Variants in LTBP2 observed in about 807,000 individuals in gnomAD.
LTBP2 encodes latent-transforming growth factor beta-binding protein 2.
In LTBP2, 103 loss-of-function variants were observed where a neutral mutation model predicts 210.6. That is an observed-to-expected ratio of 0.49 (90% CI 0.42 to 0.58). LTBP2 has a LOEUF of 0.58. Ranked by LOEUF, LTBP2 falls within the 20% of genes least tolerant of loss-of-function variation. The pLI is 0.00. For missense variants in LTBP2, 2,313 were observed against 2,494.5 expected (o/e 0.93, Z 1.55); for synonymous variants, 1,007 against 1,015.0 (o/e 0.99, Z 0.15).
Position 74,553,172 on chromosome 14 carries a change from C to T in LTBP2, c.1022-110G>A, listed in dbSNP as rs78458339. 8.4e-3 allele frequency: 9,124 copies of T among 1,090,518 alleles called. 63 individuals are homozygous for T. The highest frequency in any genetic ancestry group is 0.011 in the Middle Eastern group (54 of 5,126). 67.6% of individuals were successfully genotyped at this position (1,090,518 alleles called of 1,614,324 possible). ...ACTAGGGCTGCATTCATCTCAAGGG[C>T]ATTTGCTGAGTACCTACTGGACGCA... On this transcript the variant is annotated intron_variant, in intron 4 of 35. Coordinates refer to ENST00000261978, the MANE Select transcript of LTBP2 (RefSeq NM_000428.3).
Position 74,527,358 on chromosome 14 carries a change from G to T in LTBP2, c.2377C>A (p.Gln793Lys), listed in dbSNP as rs1373051187. Reference protein sequence around the residue: ...AGTIPDKGDSQAGQVTTSVTH... With the variant: ...AGTIPDKGDSKAGQVTTSVTH... ...GAGGACGCACTCACCTGGCCAGCCT[G>T]AGAGTCACCTGGAAGGGAAAGGTAA... is the stretch of plus-strand genomic sequence containing the variant. The change falls in exon 13 of 36, where the codon CAG (glutamine) becomes AAG (lysine). Residue 793 changes from glutamine to lysine, a missense_variant. Physicochemically the swap from Gln to Lys is moderately conservative, Grantham distance 53. Transcript: ENST00000261978. The T allele has an allele frequency of 6.2e-7, 1 of 1,611,514 alleles. No individual in the cohort carries two copies. The highest frequency in any genetic ancestry group is 8.5e-7 in the Non-Finnish European group (1 of 1,179,160).
At chr14:74,551,476 C>T (rs1011155519) in intron 6 of LTBP2, 126 bp from the exon 7 acceptor site, 1 of 928,032 alleles carries the variant, frequency 1.1e-6, no homozygotes, top group South Asian at 1.8e-5. Context: ...CAAAACTCTC[C>T]TTCCATTTCT....
rs541978964 is a variant in LTBP2 at position 74,500,141 on chromosome 14, C to T, written c.*743G>A. 277 of 233,932 alleles carry T rather than the reference C, an allele frequency of 1.2e-3. No homozygotes were observed. The highest frequency in any genetic ancestry group is 1.8e-3 in the Non-Finnish European group (214 of 118,632). The allele number at this position is 233,932 out of a possible 1,614,324, so 14.5% of individuals were successfully genotyped here. A position where few individuals can be genotyped will look rare whatever the true frequency, so the allele number is the denominator to read the frequency against. On this transcript the variant is annotated 3_prime_UTR_variant, in exon 36 of 36. Coordinates refer to ENST00000261978, the MANE Select transcript of LTBP2 (RefSeq NM_000428.3). Reference sequence around the variant, plus strand: ...TCAGCTACTGAATATTTTCTTTAGACGTATAAAGCCTTGGCTCCCCTTTCT... The same window carrying T: ...TCAGCTACTGAATATTTTCTTTAGATGTATAAAGCCTTGGCTCCCCTTTCT...
At chr14:74,514,260 A>G (rs1375859170) in intron 18 of LTBP2, among the ~76,000 whole-genome samples, 1 of 152,188 alleles carries the variant, frequency 6.6e-6, no homozygotes, top group African/African-American at 2.4e-5. Context: ...TCTGTCTTTG[A>G]AGCCAGGAGC....
At chr14:74,554,378 A>G (rs552424535) in intron 4 of LTBP2, among the ~76,000 whole-genome samples, 32 of 152,274 alleles carry the variant, frequency 2.1e-4, no homozygotes, top group African/African-American at 7.0e-4. Context: ...GCATGCCTGT[A>G]GTCCCAGCTA....
At chr14:74,536,524 C>T (rs2087424085) in intron 8 of LTBP2, among the ~76,000 whole-genome samples, 2 of 152,196 alleles carry the variant, frequency 1.3e-5, no homozygotes, top group Admixed American at 6.5e-5. Context: ...AATTTAGCCA[C>T]TTTACAATGT....
At position 74,502,866 on chromosome 14, in the gene LTBP2, G is replaced by A. The variant is rs767427329; in HGVS notation, c.4957C>T (p.Pro1653Ser). ...GGCCCGGGGCCATACTCATAGCCTG[G>A]CCGGAAGTGGACCCCGGCCTCCCGC... The part of the protein sequence containing the change: ...AEREAGVHFR[P>S]GYEYGPGPDD... The change falls in exon 34 of 36, where the codon CCA (proline) becomes TCA (serine). Residue 1653 changes from proline to serine, a missense_variant. By Grantham distance (74) the Pro-to-Ser change is moderately conservative. Around this residue, in one of 3 missense-constraint regions of LTBP2, gnomAD observed 443 missense variants for 501.4 expected, o/e 0.88. Transcript: ENST00000261978. 2 of 1,613,894 alleles carry A rather than the reference G, an allele frequency of 1.2e-6. No homozygotes were observed. The highest frequency in any genetic ancestry group is 2.2e-5 in the East Asian group (1 of 44,880).
Position 74,586,446 on chromosome 14 carries a change from C to G in LTBP2, c.566-328G>C, listed in dbSNP as rs559639836. Among the ~76,000 whole-genome samples the G allele has an allele frequency of 7.2e-5, 11 of 152,314 alleles. No homozygotes were observed. The South Asian group carries it at 2.3e-3, about 32-fold the overall frequency. ...GTCTATACTGAAATGTTCACTCCCA[C>G]CAGACTGGAAGCCCCCTGAGGACAG... On this transcript the variant is annotated intron_variant, in intron 2 of 35. Coordinates refer to ENST00000261978, the MANE Select transcript of LTBP2 (RefSeq NM_000428.3). This position sits in a 1 kb window ranked among gnomAD's most constrained non-coding sequence, Gnocchi z 4.6.
chr14:74,568,132 C>T (rs1207992651), intron 3 of LTBP2, among the ~76,000 whole-genome samples: 1 of 152,208 alleles, frequency 6.6e-6, no homozygotes, highest in Non-Finnish European at 1.5e-5. Flanking sequence ...TGCCCTACTT[C>T]CTTCAGGCTG....
chr14:74,540,814 A>AT (rs1566629882), intron 8 of LTBP2, among the ~76,000 whole-genome samples: 9 of 68,064 alleles, frequency 1.3e-4, no homozygotes, highest in South Asian at 3.7e-4. Context: ...TATATAATAT[A>AT]TATATATTTT....
rs374376492 is a variant in LTBP2 at position 74,527,739 on chromosome 14, C to G, written c.2369-373G>C. 3.9e-5 allele frequency among the ~76,000 whole-genome samples: 6 copies of G among 152,200 alleles called. No homozygotes were observed. The East Asian group carries it at 1.2e-3, about 29-fold the overall frequency. ...CTGCTACCTCCTCCCTCCCATGCCT[C>G]CCAGCCAGGCTGGGTCATGCAGCCC... On this transcript the variant is annotated intron_variant, in intron 12 of 35. Transcript: ENST00000261978.
intron 8 of LTBP2, among the ~76,000 whole-genome samples, chr14:74,540,847 ATT>A: frequency 5.9e-5 from 1 of 16,966 alleles, no homozygotes; most frequent in Non-Finnish European, 2.3e-4. Flanking sequence ...ATTTATATAT[ATT>A]ATATATATTA....
intron 1 of LTBP2, among the ~76,000 whole-genome samples, chr14:74,604,696 G>A (rs1357071552): frequency 6.6e-6 from 1 of 151,842 alleles, no homozygotes; most frequent in African/African-American, 2.4e-5. Context: ...TCACCATGTT[G>A]GCCAGGGTGG....
Position 74,504,861 on chromosome 14 carries a change from G to A in LTBP2, c.4370C>T (p.Ala1457Val), listed in dbSNP as rs987856972. 3.7e-6 allele frequency: 6 copies of A among 1,614,076 alleles called. No individual in the cohort carries two copies. In the African/African-American group the frequency reaches 8.0e-5, roughly 22 times the overall value. The part of the protein sequence containing the change: ...ACDLCPSEDS[A>V]EFSEICPSGK... ...ACTAGGGCAGATCTCGCTGAATTCA[G>A]CTATGTAGAGAGGCGTTTCAGCTCA... The change falls in exon 30 of 36, where the codon GCT becomes GTT. Residue 1457 changes from alanine to valine, a missense_variant and splice_region_variant. Coordinates refer to ENST00000261978, the MANE Select transcript of LTBP2 (RefSeq NM_000428.3).
intron 17 of LTBP2, among the ~76,000 whole-genome samples, chr14:74,518,081 T>C (rs1340800785): frequency 1.3e-5 from 2 of 152,170 alleles, no homozygotes; most frequent in African/African-American, 2.4e-5. Context: ...CAAGGACTGG[T>C]TTAATGCATC....
At chr14:74,555,841 G>A in intron 3 of LTBP2, 148 bp from the exon 4 acceptor site, 1 of 504,362 alleles carries the variant, frequency 2.0e-6, no homozygotes, top group Non-Finnish European at 3.3e-6. Context: ...TCCCAGACAT[G>A]AAGGTGCCCT....
intron 2 of LTBP2, among the ~76,000 whole-genome samples, chr14:74,596,456 C>T (rs548210953): frequency 1.2e-4 from 19 of 152,076 alleles, no homozygotes; most frequent in Admixed American, 3.9e-4. Flanking sequence ...AGAGAGATGA[C>T]GGGGAGCAGA....
At position 74,551,080 on chromosome 14, in the gene LTBP2, T is replaced by G; in HGVS notation, c.1670A>C (p.Asn557Thr). The G allele has an allele frequency of 6.2e-7, 1 of 1,613,754 alleles. No homozygotes were observed. Among genetic ancestry groups the G allele is most frequent in the East Asian group, 2.2e-5 (1 of 44,880 alleles). Residue 557 changes from asparagine to threonine, a missense_variant, in exon 7 of 36, where the codon AAC becomes ACC. Transcript: ENST00000261978. Reference protein sequence around the residue: ...PRGLLGRCYLNTVNGQCANPL... With the variant: ...PRGLLGRCYLTTVNGQCANPL... ...TGTTCTCACCTGTCCGTTCACAGTG[T>G]TCAGGTAACACCGGCCCAGCAGTCC...
chr14:74,598,332 C>T (rs946960588), intron 2 of LTBP2, among the ~76,000 whole-genome samples: 4 of 152,194 alleles, frequency 2.6e-5, no homozygotes, highest in South Asian at 2.1e-4. Flanking sequence ...ACGTGATACA[C>T]GCAGAGAAAT....
Sources: allele counts gnomAD v4.1 joint callset (sites outside exome capture counted in the v4.1 genomes callset), GRCh38; gene constraint gnomAD v4.1.1; regional missense constraint gnomAD v4.1.1; non-coding constraint Gnocchi (gnomAD v3.1); transcripts MANE v1.5; gene names NCBI Gene and HGNC (gene_info 2026-07-23, HGNC 2026-07-21).